The following CSMD1 variants were observed in gnomAD, a reference collection of about 807,000 sequenced individuals.
CSMD1 encodes CUB and sushi domain-containing protein 1.
CSMD1 carries 213 observed loss-of-function variants against 417.5 expected under a neutral mutation model. The observed-to-expected ratio is 0.51, with a 90% CI of 0.46 to 0.57. The LOEUF (loss-of-function observed/expected upper bound fraction) is 0.57, where lower values mean the gene tolerates loss of function less well. CSMD1 is among the 20% of genes least tolerant of loss of function. The pLI is 0.00. For synonymous variants in CSMD1, 2,862 were observed against 1,736.8 expected, an observed-to-expected ratio of 1.65 and a Z score of -16.11; for missense variants, 6,923 against 4,529.7, an observed-to-expected ratio of 1.53 and a Z score of -15.17.
chr8:4,554,791 G>T (rs1377990760), intron 2 of CSMD1, among the ~76,000 whole-genome samples: 2 of 152,208 alleles, frequency 1.3e-5, no homozygotes, highest in Non-Finnish European at 2.9e-5. Context: ...TGAGCCAGCA[G>T]CGTCCGTCCC....
chr8:3,855,744 C>T lies in CSMD1; in HGVS notation c.819-101702G>A, dbSNP rs574032220. Among the ~76,000 whole-genome samples the T allele has an allele frequency of 2.3e-4, 35 of 152,252 alleles. No homozygotes were observed. The East Asian group carries it at 2.9e-3, about 13-fold the overall frequency. On this transcript the variant is annotated intron_variant, in intron 5 of 69. Transcript: ENST00000635120. Reference sequence around the variant, plus strand: ...GAAAATTTCATTTTCATGGGTCATGCGATGTGAAATCCTAGAGTCTGCTGA... The same window carrying T: ...GAAAATTTCATTTTCATGGGTCATGTGATGTGAAATCCTAGAGTCTGCTGA...
At chr8:3,662,200 G>A (rs1257529870) in intron 7 of CSMD1, among the ~76,000 whole-genome samples, 7 of 152,206 alleles carry the variant, frequency 4.6e-5, no homozygotes, top group Admixed American at 4.6e-4. Context: ...AACTACCCTT[G>A]AATTAACAGT....
intron 9 of CSMD1, among the ~76,000 whole-genome samples, chr8:3,581,078 C>T (rs918436198): frequency 1.3e-5 from 2 of 152,084 alleles, no homozygotes; most frequent in Admixed American, 6.6e-5. Flanking sequence ...GGGAGCAACT[C>T]AAAATATTAA....
chr8:4,808,385 T>C (rs1585133739), intron 1 of CSMD1, among the ~76,000 whole-genome samples: 2 of 152,198 alleles, frequency 1.3e-5, no homozygotes, highest in African/African-American at 4.8e-5. Flanking sequence ...ATAGACCCTT[T>C]TGCTAAGTTC....
At chr8:4,594,032 C>T (rs1237280526) in intron 2 of CSMD1, among the ~76,000 whole-genome samples, 1 of 151,952 alleles carries the variant, frequency 6.6e-6, no homozygotes, top group African/African-American at 2.4e-5. Flanking sequence ...TCTGGTGCTC[C>T]TTGGCTGGAA....
At chr8:4,319,778 C>T (rs1799161786) in intron 3 of CSMD1, among the ~76,000 whole-genome samples, 1 of 152,048 alleles carries the variant, frequency 6.6e-6, no homozygotes, top group African/African-American at 2.4e-5. Flanking sequence ...GGGCAAAATA[C>T]CAGAGAGAGA....
At chr8:4,603,682 A>G (rs1215119706) in intron 2 of CSMD1, among the ~76,000 whole-genome samples, 1 of 152,144 alleles carries the variant, frequency 6.6e-6, no homozygotes. Flanking sequence ...TCACATTAAA[A>G]ACAGTGATTT....
chr8:3,393,303 G>A (rs1221551105), intron 17 of CSMD1, among the ~76,000 whole-genome samples: 2 of 152,162 alleles, frequency 1.3e-5, no homozygotes, highest in Non-Finnish European at 2.9e-5. Context: ...TGAGGCCTCT[G>A]CTCACTTCTG....
chr8:3,584,677 AC>A (rs1800523384), intron 9 of CSMD1, among the ~76,000 whole-genome samples: 1 of 152,262 alleles, frequency 6.6e-6, no homozygotes, highest in Admixed American at 6.5e-5. Flanking sequence ...ACTCTAAAAT[AC>A]TGATTTAAAA....
intron 8 of CSMD1, among the ~76,000 whole-genome samples, chr8:3,610,886 C>T (rs981996321): frequency 6.6e-6 from 1 of 151,908 alleles, no homozygotes; most frequent in Non-Finnish European, 1.5e-5. Context: ...TTGCCTTTTC[C>T]ATTGACAGTG....
At chr8:3,551,227 G>C (rs1798896487) in intron 10 of CSMD1, among the ~76,000 whole-genome samples, 1 of 152,262 alleles carries the variant, frequency 6.6e-6, no homozygotes, top group South Asian at 2.1e-4. Flanking sequence ...AGTTTCTAAA[G>C]CATGTAAATT....
chr8:4,777,454 A>C (rs975054344), intron 1 of CSMD1, among the ~76,000 whole-genome samples: 1 of 152,164 alleles, frequency 6.6e-6, no homozygotes, highest in East Asian at 1.9e-4. Context: ...TTAGGGACAG[A>C]TGTGTGCCTA....
chr8:3,562,913 CTTAAAAG>C (rs1256469262), intron 10 of CSMD1, among the ~76,000 whole-genome samples: 1 of 151,144 alleles, frequency 6.6e-6, no homozygotes, highest in African/African-American at 2.4e-5. Context: ...TACCCATGAA[CTTAAAAG>C]TTAAAAAAAA....
At chr8:3,788,257 AAACATCAGTTTTCTTTCTTAAGG>A (rs1422677132) in intron 5 of CSMD1, among the ~76,000 whole-genome samples, 6 of 152,186 alleles carry the variant, frequency 3.9e-5, no homozygotes, top group African/African-American at 1.4e-4. Context: ...AGATGGAGCT[AAACATCAGTTTTCTTTCTTAAGG>A]AACTTTTTCA....
intron 2 of CSMD1, among the ~76,000 whole-genome samples, chr8:4,587,237 T>C (rs1799746390): frequency 6.6e-6 from 1 of 152,154 alleles, no homozygotes; most frequent in Admixed American, 6.5e-5. Flanking sequence ...CACTTGTCTG[T>C]TGTTTTACAC....
At chr8:4,132,183 T>G (rs117708146) in intron 3 of CSMD1, among the ~76,000 whole-genome samples, 1 of 143,246 alleles carries the variant, frequency 7.0e-6, no homozygotes, top group Non-Finnish European at 1.5e-5. Flanking sequence ...CGGGTAAAAT[T>G]TGTCATGGAT....
At chr8:3,524,492 A>G (rs1233369502) in intron 10 of CSMD1, among the ~76,000 whole-genome samples, 1 of 149,038 alleles carries the variant, frequency 6.7e-6, no homozygotes, top group Non-Finnish European at 1.5e-5. Context: ...TGCACACACA[A>G]GTACACACAT....
chr8:3,846,071 AT>A (rs1803481344), intron 5 of CSMD1, among the ~76,000 whole-genome samples: 1 of 146,770 alleles, frequency 6.8e-6, no homozygotes, highest in African/African-American at 2.5e-5. Context: ...TAAAAAAAAA[AT>A]AATAAGCAGC....
At chr8:3,353,399 C>T (rs1162648831) in intron 21 of CSMD1, among the ~76,000 whole-genome samples, 1 of 152,164 alleles carries the variant, frequency 6.6e-6, no homozygotes, top group Non-Finnish European at 1.5e-5. Context: ...GACCAAGATA[C>T]CACCAAATAG....
Sources: gnomAD v4.1 joint callset for allele counts (sites outside exome capture counted in the v4.1 genomes callset) on GRCh38, gnomAD v4.1.1 for gene constraint, MANE v1.5 for transcripts, NCBI Gene and HGNC (gene_info 2026-07-23, HGNC 2026-07-21) for gene names.